PAG1: variants seen among roughly 807,000 people sequenced by gnomAD.
PAG1 encodes phosphoprotein membrane anchor with glycosphingolipid microdomains 1, also known as phosphoprotein associated with glycosphingolipid-enriched microdomains 1.
Under a neutral mutation model 31.7 loss-of-function variants are expected in PAG1, and 23 were observed. The ratio of observed to expected loss-of-function variants is 0.73; its 90% CI spans 0.52 to 1.03. The LOEUF (loss-of-function observed/expected upper bound fraction) is 1.03, where lower values mean the gene tolerates loss of function less well. Among genes scored for constraint, PAG1 ranks in the 50% least tolerant of loss-of-function variants. The pLI is 0.00. For missense variants in PAG1, 473 were observed against 540.7 expected (o/e 0.87, Z 1.24); for synonymous variants, 214 against 210.3 (o/e 1.02, Z -0.15).
chr8:81,018,390 A>G (rs1197332561), intron 3 of PAG1, among the ~76,000 whole-genome samples: 2 of 152,218 alleles, frequency 1.3e-5, no homozygotes, highest in African/African-American at 2.4e-5. Context: ...CAGATTCAAC[A>G]TGGGTATTTC....
At chr8:81,017,363 A>G (rs1808089572) in intron 3 of PAG1, among the ~76,000 whole-genome samples, 1 of 152,218 alleles carries the variant, frequency 6.6e-6, no homozygotes, top group South Asian at 2.1e-4. Flanking sequence ...TGTGAGACAG[A>G]GTGATGTTTA....
chr8:81,088,531 A>G (rs1809396893), intron 1 of PAG1, among the ~76,000 whole-genome samples: 1 of 152,226 alleles, frequency 6.6e-6, no homozygotes, highest in Non-Finnish European at 1.5e-5. Flanking sequence ...AAATGACTAT[A>G]ATACAAAATA....
chr8:81,102,976 C>T (rs950052933), intron 1 of PAG1, among the ~76,000 whole-genome samples: 6 of 152,082 alleles, frequency 3.9e-5, no homozygotes, highest in Admixed American at 1.3e-4. Flanking sequence ...CGTGTACACA[C>T]GGAATGCCTC....
intron 1 of PAG1, among the ~76,000 whole-genome samples, chr8:81,095,188 A>G (rs1809505461): frequency 6.6e-6 from 1 of 152,202 alleles, no homozygotes; most frequent in African/African-American, 2.4e-5. Flanking sequence ...GGTCTAGTGT[A>G]CTCATGGGGC....
At chr8:81,038,723 T>C (rs1436390315) in intron 2 of PAG1, among the ~76,000 whole-genome samples, 3 of 152,178 alleles carry the variant, frequency 2.0e-5, no homozygotes, top group Non-Finnish European at 4.4e-5. Context: ...AGACTTTCAA[T>C]GCTGCTTGCA....
intron 2 of PAG1, among the ~76,000 whole-genome samples, chr8:81,037,433 G>A (rs1165606064): frequency 6.6e-6 from 1 of 152,212 alleles, no homozygotes; most frequent in Non-Finnish European, 1.5e-5. Flanking sequence ...GCTTGGATAT[G>A]AATTCCTTGC....
rs575607643 is a variant in PAG1 at position 81,105,066 on chromosome 8, C to G, written c.-234+6525G>C. 5.9e-5 allele frequency among the ~76,000 whole-genome samples: 9 copies of G among 152,212 alleles called. No individual in the cohort carries two copies. The South Asian group carries it at 1.9e-3, about 32-fold the overall frequency. ...TTCCCTCTCTCAGAATAATTTCTCC[C>G]TGCCCACTCCCACCCTTAGCCTCCT... On this transcript the variant is annotated intron_variant, in intron 1 of 8. Coordinates refer to ENST00000220597, the MANE Select transcript of PAG1 (RefSeq NM_018440.4).
intron 2 of PAG1, among the ~76,000 whole-genome samples, chr8:81,068,792 A>C (rs1809049344): frequency 6.6e-6 from 1 of 152,220 alleles, no homozygotes; most frequent in Non-Finnish European, 1.5e-5. Context: ...AAAAAGTACC[A>C]CACAACGCTT....
intron 2 of PAG1, among the ~76,000 whole-genome samples, chr8:81,051,600 T>C (rs1207969516): frequency 6.6e-6 from 1 of 152,210 alleles, no homozygotes; most frequent in African/African-American, 2.4e-5. Flanking sequence ...AGGAGGGTTT[T>C]TACATTCTTA....
chr8:81,097,789 A>G (rs1271854823), intron 1 of PAG1, among the ~76,000 whole-genome samples: 1 of 152,142 alleles, frequency 6.6e-6, no homozygotes, highest in Non-Finnish European at 1.5e-5. Flanking sequence ...AAAAGCATCC[A>G]GAATTACCAC....
chr8:81,004,165 G>A (rs1586158922), intron 3 of PAG1, among the ~76,000 whole-genome samples: 1 of 152,158 alleles, frequency 6.6e-6, no homozygotes, highest in East Asian at 1.9e-4. Context: ...GACAGGTAAC[G>A]CAGAAAGAAA....
In PAG1 at chr8:80,969,585, G is replaced by C. The variant is rs1439882066; in HGVS notation, c.*6959C>G. ...AGATAGTTCTGAACTGTAGGCTCTA[G>C]GGAGCAACTGGTCCTTCTTTTAGCT... On this transcript the variant is annotated 3_prime_UTR_variant, in exon 9 of 9. Coordinates refer to ENST00000220597, the MANE Select transcript of PAG1 (RefSeq NM_018440.4). The C allele has an allele frequency of 6.6e-6, 1 of 152,216 alleles. No homozygotes were observed. Among genetic ancestry groups the C allele is most frequent in the East Asian group, 1.9e-4 (1 of 5,202 alleles). 9.4% of individuals were successfully genotyped at this position (152,216 alleles called of 1,614,324 possible).
rs1436024992 is a variant in PAG1 at position 80,968,563 on chromosome 8, G to A, written c.*7981C>T. On this transcript the variant is annotated 3_prime_UTR_variant, in exon 9 of 9. Transcript: ENST00000220597. ...CTATGAGCAAGATACAAACATTCTG[G>A]GATGGATGGTAGATGGATGCTACAC... 1 of 152,058 alleles carries A rather than the reference G, an allele frequency of 6.6e-6. No homozygotes were observed. The highest frequency in any genetic ancestry group is 1.9e-4 in the East Asian group (1 of 5,194). 9.4% of individuals were successfully genotyped at this position (152,058 alleles called of 1,614,324 possible). A position where few individuals can be genotyped will look rare whatever the true frequency, so the allele number is the denominator to read the frequency against.
chr8:81,007,619 A>C (rs1438086767), intron 3 of PAG1, among the ~76,000 whole-genome samples: 1 of 132,258 alleles, frequency 7.6e-6, no homozygotes, highest in Non-Finnish European at 1.6e-5. Context: ...CCTGGGTGAC[A>C]GAGCAAGACT....
chr8:81,015,312 T>C lies in PAG1; in HGVS notation c.-81+14684A>G, dbSNP rs117555953. On this transcript the variant is annotated intron_variant, in intron 3 of 8. Coordinates refer to ENST00000220597, the MANE Select transcript of PAG1 (RefSeq NM_018440.4). ...TTGTATAGGTTTTGAAATGAGTTCTTACCCATTATAAAAGGCCTTGAATAT... is the reference window on the plus strand; with the variant it reads ...TTGTATAGGTTTTGAAATGAGTTCTCACCCATTATAAAAGGCCTTGAATAT... Among the ~76,000 whole-genome samples, 427 of 152,342 alleles carry C rather than the reference T, an allele frequency of 2.8e-3. 2 individuals are homozygous for C. The highest frequency in any genetic ancestry group is 0.016 in the South Asian group (79 of 4,828).
At chr8:80,988,317 T>C (rs1343470337) in intron 5 of PAG1, among the ~76,000 whole-genome samples, 1 of 152,196 alleles carries the variant, frequency 6.6e-6, no homozygotes, top group Admixed American at 6.5e-5. Flanking sequence ...CCCTTTGTCA[T>C]GTGAAGGGAA....
intron 2 of PAG1, among the ~76,000 whole-genome samples, chr8:81,066,329 A>C (rs145130843): frequency 3.9e-5 from 6 of 152,360 alleles, no homozygotes; most frequent in African/African-American, 1.4e-4. Context: ...TCGCAAATGC[A>C]CTTTTTCAGG....
chr8:81,066,878 A>C (rs1319973932), intron 2 of PAG1, among the ~76,000 whole-genome samples: 1 of 152,126 alleles, frequency 6.6e-6, no homozygotes, highest in Non-Finnish European at 1.5e-5. Flanking sequence ...TAAAAGTATG[A>C]GGCTGGGCAT....
At chr8:81,089,458 C>T (rs1809411762) in intron 1 of PAG1, among the ~76,000 whole-genome samples, 2 of 152,038 alleles carry the variant, frequency 1.3e-5, no homozygotes, top group African/African-American at 4.8e-5. Flanking sequence ...GTCCCAGCTA[C>T]TAGGGAGGCT....
Sources: allele counts gnomAD v4.1 joint callset (sites outside exome capture counted in the v4.1 genomes callset), GRCh38; gene constraint gnomAD v4.1.1; transcripts MANE v1.5; gene names NCBI Gene and HGNC (gene_info 2026-07-23, HGNC 2026-07-21).